BCAR1: variants seen among roughly 807,000 people sequenced by gnomAD.
BCAR1 encodes BCAR1 scaffold protein, Cas family member, also known as breast cancer anti-estrogen resistance protein 1.
Under a neutral mutation model 67.6 loss-of-function variants are expected in BCAR1, and 30 were observed. That is an observed-to-expected ratio of 0.44 (90% CI 0.33 to 0.60). The LOEUF (loss-of-function observed/expected upper bound fraction) is 0.60, where lower values mean the gene tolerates loss of function less well. BCAR1 is among the 20% of genes least tolerant of loss of function. The probability of loss-of-function intolerance (pLI) is 0.02; values close to 1 mark genes in which losing one functional copy is unlikely to be tolerated. For missense variants in BCAR1, 1,313 were observed against 1,222.3 expected (o/e 1.07, Z -1.11); for synonymous variants, 626 against 556.7 (o/e 1.12, Z -1.75).
Position 75,242,824 on chromosome 16 carries a change from C to T in BCAR1, c.279G>A (p.Ala93=), listed in dbSNP as rs748135777. 1.4e-5 allele frequency: 22 copies of T among 1,605,370 alleles called. 1 individual carries two copies. In the African/African-American group the frequency reaches 1.9e-4, roughly 14 times the overall value. Residue 93 remains alanine, a synonymous_variant, in exon 2 of 7, where the codon GCG becomes GCA. Transcript: ENST00000162330. ...AQPQPGLHAP[A]PPASQYTPML... is the part of the protein sequence containing the mutation. ...TGGGCGTGTACTGGGAGGCCGGAGG[C>T]GCTGGGGCATGGAGGCCAGGCTGAG...
intron 1 of BCAR1, among the ~76,000 whole-genome samples, chr16:75,262,145 C>G (rs1459256773): frequency 6.6e-6 from 1 of 152,174 alleles, no homozygotes; most frequent in Non-Finnish European, 1.5e-5. Context: ...GCAGCAGCCT[C>G]TCCAGGAACC....
chr16:75,235,992 G>A lies in BCAR1; in HGVS notation c.913-6C>T. The A allele has an allele frequency of 1.9e-6, 3 of 1,564,974 alleles. No individual in the cohort carries two copies. Among genetic ancestry groups the A allele is most frequent in the Non-Finnish European group, 2.6e-6 (3 of 1,154,572 alleles). ...GATGGAGGAACGTCGTAGACCTGGG[G>A]GACAAGCGGTGGTCAAGACTGTCCA... On this transcript the variant is annotated splice_polypyrimidine_tract_variant and splice_region_variant and intron_variant, in intron 4 of 6. Coordinates refer to ENST00000162330, the MANE Select transcript of BCAR1 (RefSeq NM_014567.5).
chr16:75,235,905 C>CG lies in BCAR1; in HGVS notation c.993dup (p.Ala332ArgfsTer9). 2 of 1,564,564 alleles carry CG rather than the reference C, an allele frequency of 1.3e-6. No homozygotes were observed. Among genetic ancestry groups the CG allele is most frequent in the Non-Finnish European group, 8.7e-7 (1 of 1,154,960 alleles). Reference sequence around the variant, plus strand: ...TCAAAGGGCTTGGCCTTGGCGAAGGCGGGGGGCACATCGTAGGTCTCCTCA... The same window carrying CG: ...TCAAAGGGCTTGGCCTTGGCGAAGGCGGGGGGGCACATCGTAGGTCTCCTCA... On this transcript the variant is annotated frameshift_variant, in exon 5 of 7. Coordinates refer to ENST00000162330, the MANE Select transcript of BCAR1 (RefSeq NM_014567.5). LOFTEE classifies it high-confidence loss of function.
At chr16:75,231,540 G>C (rs1293331608) in intron 6 of BCAR1, among the ~76,000 whole-genome samples, 1 of 152,228 alleles carries the variant, frequency 6.6e-6, no homozygotes, top group African/African-American at 2.4e-5. Flanking sequence ...GTTCTCATCA[G>C]TAAGTCTTCA....
chr16:75,236,071 CACACACGT>C, intron 4 of BCAR1, 85 bp from the exon 5 acceptor site: 2 of 1,454,496 alleles, frequency 1.4e-6, no homozygotes, highest in Non-Finnish European at 1.8e-6. Context: ...CACACACACA[CACACACGT>C]ACACACATAC....
intron 1 of BCAR1, among the ~76,000 whole-genome samples, chr16:75,258,925 A>G (rs1479406800): frequency 6.6e-6 from 1 of 152,164 alleles, no homozygotes; most frequent in Non-Finnish European, 1.5e-5. Flanking sequence ...TGGCCAGGGA[A>G]AAAAAGAGGG....
In BCAR1 at chr16:75,228,422, T is replaced by G. The variant is rs2076779344; in HGVS notation, c.*1089A>C. 6.6e-6 allele frequency: 1 copy of G among 152,300 alleles called. No individual in the cohort carries two copies. Among genetic ancestry groups the G allele is most frequent in the Admixed American group, 6.5e-5 (1 of 15,282 alleles). 9.4% of individuals were successfully genotyped at this position (152,300 alleles called of 1,614,324 possible). ...GCAGCACCAGGGGTTCCAAGCACCCTGAAGCTTCCATCTGGGCTGCGGGCT... is the reference window on the plus strand; with the variant it reads ...GCAGCACCAGGGGTTCCAAGCACCCGGAAGCTTCCATCTGGGCTGCGGGCT... On this transcript the variant is annotated 3_prime_UTR_variant, in exon 7 of 7. Transcript: ENST00000162330.
intron 1 of BCAR1, chr16:75,249,606 G>A (rs925048153): frequency 2.6e-5 from 4 of 152,290 alleles, no homozygotes; most frequent in African/African-American, 4.8e-5. Flanking sequence ...CCCCCCTGGA[G>A]CGCACCTCCC....
At chr16:75,267,393 C>CGG (rs1491292014) in intron 1 of BCAR1, among the ~76,000 whole-genome samples, 10 of 25,744 alleles carry the variant, frequency 3.9e-4, no homozygotes, top group African/African-American at 7.3e-4. Flanking sequence ...CCACAGCAAG[C>CGG]CGGGGGGGGG....
Position 75,229,490 on chromosome 16 carries a change from TC to T in BCAR1, c.*20del. The T allele has an allele frequency of 1.3e-6, 2 of 1,518,500 alleles. No homozygotes were observed. The allele number at this position is 1,518,500 out of a possible 1,614,324, so 94.1% of individuals were successfully genotyped here. A position where few individuals can be genotyped will look rare whatever the true frequency, so the allele number is the denominator to read the frequency against. On this transcript the variant is annotated 3_prime_UTR_variant, in exon 7 of 7. Transcript: ENST00000162330. ...GGGACCGCCGCACCCCTCCCCTGCC[TC>T]CCTCCTGGGGTCACCACCCTCAGGC...
At position 75,229,915 on chromosome 16, in the gene BCAR1, C is replaced by G. The variant is rs772326636; in HGVS notation, c.2209G>C (p.Gly737Arg). 40 of 1,607,932 alleles carry G rather than the reference C, an allele frequency of 2.5e-5. No homozygotes were observed. The highest frequency in any genetic ancestry group is 2.9e-5 in the Non-Finnish European group (34 of 1,175,858). The change falls in exon 7 of 7, where the codon GGG (glycine) becomes CGG (arginine). Residue 737 changes from glycine (G) to arginine (R), a missense_variant. Around this residue, in one of 2 missense-constraint regions of BCAR1, gnomAD observed 1,272 missense variants for 1,137.5 expected, o/e 1.12. Transcript: ENST00000162330. Reference sequence around the variant, plus strand: ...AGCAGCAGCTGCCGGTCCGAGGGCCCCAGGCCGCCTGTTCGCCCCGGGGCC... The same window carrying G: ...AGCAGCAGCTGCCGGTCCGAGGGCCGCAGGCCGCCTGTTCGCCCCGGGGCC... ...PLAPGRTGGL[G>R]PSDRQLLLFY...
At chr16:75,264,552 C>A in intron 1 of BCAR1, 3 of 1,370,020 alleles carry the variant, frequency 2.2e-6, no homozygotes, top group South Asian at 1.8e-5. Context: ...TGAACCAGAA[C>A]GGATGGCGGG....
At chr16:75,238,539 G>A (rs2077220292) in intron 2 of BCAR1, 1 of 991,432 alleles carries the variant, frequency 1.0e-6, no homozygotes, top group Non-Finnish European at 1.2e-6. Context: ...GGGGGGCGCT[G>A]AGCATGGGGG....
intron 1 of BCAR1, chr16:75,246,509 G>A (rs1426152782): frequency 6.6e-6 from 1 of 152,284 alleles, no homozygotes; most frequent in Non-Finnish European, 1.5e-5. Context: ...CATTCCACAG[G>A]ATTCCTGTCT....
chr16:75,252,536 GC>G, upstream of BCAR1: 6 of 888,000 alleles, frequency 6.8e-6, no homozygotes, highest in Non-Finnish European at 9.6e-6. Context: ...GGGTGCCAGA[GC>G]CCCTGGGCCA....
chr16:75,260,633 CAA>C (rs59667747), intron 1 of BCAR1, among the ~76,000 whole-genome samples: 156 of 118,152 alleles, frequency 1.3e-3, no homozygotes, highest in African/African-American at 3.8e-3. Flanking sequence ...GACTCCATCT[CAA>C]AAAAAAAAAA....
intron 2 of BCAR1, chr16:75,238,658 G>C (rs2077226075): frequency 1.0e-6 from 1 of 985,988 alleles, no homozygotes. Flanking sequence ...CAGAGTCCCG[G>C]CTGGGGGCCT....
At chr16:75,264,028 G>A in intron 1 of BCAR1, 1 of 1,218,008 alleles carries the variant, frequency 8.2e-7, no homozygotes, top group Non-Finnish European at 1.0e-6. Context: ...CTCCTGGGCT[G>A]TGACTACAAG....
chr16:75,257,766 T>C (rs1028192221), intron 1 of BCAR1, among the ~76,000 whole-genome samples: 2 of 152,154 alleles, frequency 1.3e-5, no homozygotes, highest in Admixed American at 6.5e-5. Flanking sequence ...GGAAAAGCAA[T>C]GCTTTTTCTC....
Sources: allele counts gnomAD v4.1 joint callset (sites outside exome capture counted in the v4.1 genomes callset), GRCh38; gene constraint gnomAD v4.1.1; regional missense constraint gnomAD v4.1.1; transcripts MANE v1.5; gene names NCBI Gene and HGNC (gene_info 2026-07-23, HGNC 2026-07-21).